Variants in TTC1 observed in about 807,000 individuals in gnomAD.
The protein encoded by TTC1 is tetratricopeptide repeat protein 1.
Under a neutral mutation model 37.6 loss-of-function variants are expected in TTC1, and 31 were observed. The observed-to-expected ratio is 0.82, with a 90% CI of 0.62 to 1.11. The LOEUF is 1.11. Ranked by LOEUF, TTC1 falls within the 50% of genes most tolerant of loss-of-function variation. The pLI, the probability that TTC1 is intolerant of heterozygous loss-of-function variation, is 0.00. For synonymous variants in TTC1, 127 were observed against 122.4 expected, an observed-to-expected ratio of 1.04 and a Z score of -0.25; for missense variants, 351 against 339.0, an observed-to-expected ratio of 1.04 and a Z score of -0.28.
At chr5:160,029,065 T>C (rs1756861174) in intron 2 of TTC1, among the ~76,000 whole-genome samples, 1 of 152,114 alleles carries the variant, frequency 6.6e-6, no homozygotes, top group Admixed American at 6.5e-5. Flanking sequence ...GGTAATGATA[T>C]TTGTATAGTA....
intron 2 of TTC1, among the ~76,000 whole-genome samples, chr5:160,031,302 C>T (rs370293375): frequency 6.2e-4 from 95 of 152,206 alleles, no homozygotes; most frequent in Non-Finnish European, 9.4e-4. Flanking sequence ...GTGATTTATC[C>T]GTTGAAACAA....
intron 7 of TTC1, chr5:160,062,141 A>C (rs1422959864): frequency 6.6e-6 from 1 of 152,262 alleles, no homozygotes; most frequent in Admixed American, 6.5e-5. Context: ...CATAGAATCA[A>C]CCAAGCTAAA....
At chr5:160,033,147 G>A (rs1215483639) in intron 2 of TTC1, among the ~76,000 whole-genome samples, 2 of 152,026 alleles carry the variant, frequency 1.3e-5, no homozygotes, top group Non-Finnish European at 2.9e-5. Flanking sequence ...CTTGCATCCA[G>A]TAACCCTAAT....
chr5:160,043,070 T>G (rs997696468), intron 4 of TTC1, 63 bp from the exon 5 acceptor site: 1 of 1,544,024 alleles, frequency 6.5e-7, no homozygotes, highest in African/African-American at 1.4e-5. Flanking sequence ...ATCATGTCAT[T>G]AAGCCTTTGG....
intron 2 of TTC1, among the ~76,000 whole-genome samples, chr5:160,032,474 G>A (rs575909805): frequency 2.0e-5 from 3 of 152,220 alleles, no homozygotes; most frequent in East Asian, 3.9e-4. Flanking sequence ...CTTGTTGAGT[G>A]GCAGTACCCC....
intron 4 of TTC1, among the ~76,000 whole-genome samples, chr5:160,041,133 A>G (rs1032044688): frequency 6.6e-6 from 1 of 152,032 alleles, no homozygotes; most frequent in African/African-American, 2.4e-5. Flanking sequence ...TATGATAAAA[A>G]TGCCCTGTTC....
intron 2 of TTC1, among the ~76,000 whole-genome samples, chr5:160,014,154 C>G (rs919023503): frequency 1.3e-5 from 2 of 150,976 alleles, no homozygotes; most frequent in Non-Finnish European, 3.0e-5. Flanking sequence ...GGAGTTCGAC[C>G]CGAGACCAGC....
intron 4 of TTC1, among the ~76,000 whole-genome samples, chr5:160,040,133 T>C (rs1757062016): frequency 6.6e-6 from 1 of 152,230 alleles, no homozygotes; most frequent in Admixed American, 6.5e-5. Flanking sequence ...GTTTCTGCAC[T>C]GAATTACTAT....
At chr5:160,011,778 G>A (rs1756505697) in intron 2 of TTC1, among the ~76,000 whole-genome samples, 1 of 152,178 alleles carries the variant, frequency 6.6e-6, no homozygotes, top group South Asian at 2.1e-4. Flanking sequence ...AATGTCTTGA[G>A]TTTGTCTACA....
At chr5:160,034,519 T>C (rs1756970300) in intron 2 of TTC1, among the ~76,000 whole-genome samples, 1 of 152,222 alleles carries the variant, frequency 6.6e-6, no homozygotes, top group Admixed American at 6.5e-5. Flanking sequence ...CCTAGCATAC[T>C]GTGTCTCCTT....
chr5:160,060,932 C>T (rs1176138179), intron 7 of TTC1, among the ~76,000 whole-genome samples: 1 of 152,232 alleles, frequency 6.6e-6, no homozygotes, highest in Non-Finnish European at 1.5e-5. Flanking sequence ...TAAATGGGCT[C>T]TTTCCCACAA....
At chr5:160,015,730 C>G (rs1388265043) in intron 2 of TTC1, among the ~76,000 whole-genome samples, 1 of 152,188 alleles carries the variant, frequency 6.6e-6, no homozygotes, top group Non-Finnish European at 1.5e-5. Flanking sequence ...GTGAGCCATT[C>G]TAGCAAATTA....
At chr5:160,018,709 T>C (rs1024692099) in intron 2 of TTC1, among the ~76,000 whole-genome samples, 3 of 152,144 alleles carry the variant, frequency 2.0e-5, no homozygotes, top group Non-Finnish European at 4.4e-5. Context: ...ACGGAAGTTA[T>C]TTACATTTTA....
At chr5:160,052,998 A>G (rs1561638534) in intron 7 of TTC1, among the ~76,000 whole-genome samples, 2 of 152,236 alleles carry the variant, frequency 1.3e-5, no homozygotes, top group Admixed American at 6.5e-5. Flanking sequence ...TATAAAAATC[A>G]TGAATAAGAT....
At chr5:160,015,593 G>A (rs543122725) in intron 2 of TTC1, among the ~76,000 whole-genome samples, 10 of 152,320 alleles carry the variant, frequency 6.6e-5, no homozygotes, top group East Asian at 3.9e-4. Flanking sequence ...CAGAGAGGGC[G>A]TGGCAGCTCT....
chr5:160,057,358 T>A lies in TTC1; in HGVS notation c.745+6175T>A, dbSNP rs139802919. Reference sequence around the variant, plus strand: ...TGTTTCCCAGTGCATACAGAAGTTATGTTTATATAATACTGTAGTCTACTA... The same window carrying A: ...TGTTTCCCAGTGCATACAGAAGTTAAGTTTATATAATACTGTAGTCTACTA... On this transcript the variant is annotated intron_variant, in intron 7 of 7. Coordinates refer to ENST00000231238, the MANE Select transcript of TTC1 (RefSeq NM_003314.3). This position sits in a 1 kb window ranked among gnomAD's most constrained non-coding sequence, Gnocchi z 4.4. Among the ~76,000 whole-genome samples the A allele has an allele frequency of 3.7e-3, 560 of 152,212 alleles. 3 individuals carry two copies. The highest frequency in any genetic ancestry group is 0.017 in the Middle Eastern group (5 of 294).
At chr5:160,029,535 G>A (rs372318774) in intron 2 of TTC1, among the ~76,000 whole-genome samples, 4 of 151,188 alleles carry the variant, frequency 2.6e-5, no homozygotes, top group South Asian at 2.1e-4. Flanking sequence ...GTGGTCCTAG[G>A]TACTGGGGAA....
chr5:160,009,425 C>T (rs1056384022), intron 1 of TTC1, among the ~76,000 whole-genome samples: 2 of 152,112 alleles, frequency 1.3e-5, no homozygotes, highest in African/African-American at 4.8e-5. Flanking sequence ...CAAATTCAGA[C>T]TCTTGTCGTG....
intron 2 of TTC1, among the ~76,000 whole-genome samples, chr5:160,013,787 A>G (rs149617974): frequency 3.2e-4 from 48 of 152,024 alleles, no homozygotes; most frequent in African/African-American, 9.2e-4. Flanking sequence ...TGTCTCATCT[A>G]TCAGATCAGA....
Sources: allele counts gnomAD v4.1 joint callset (sites outside exome capture counted in the v4.1 genomes callset), GRCh38; gene constraint gnomAD v4.1.1; non-coding constraint Gnocchi (gnomAD v3.1); transcripts MANE v1.5; gene names NCBI Gene and HGNC (gene_info 2026-07-23, HGNC 2026-07-21).